KCTD16: variants seen among roughly 807,000 people sequenced by gnomAD.
KCTD16 encodes the protein potassium channel tetramerization domain containing 16, also known as BTB/POZ domain-containing protein KCTD16.
A neutral mutation model predicts 33.2 loss-of-function variants in KCTD16; 13 were observed. That is an observed-to-expected ratio of 0.39 (90% CI 0.25 to 0.62). KCTD16 has a LOEUF of 0.62. KCTD16 is among the 20% of genes least tolerant of loss of function. The probability of loss-of-function intolerance (pLI) is 0.50; values close to 1 mark genes in which losing one functional copy is unlikely to be tolerated. For missense variants in KCTD16, 441 were observed against 525.1 expected, an observed-to-expected ratio of 0.84 and a Z score of 1.57; for synonymous variants, 197 against 195.3, an observed-to-expected ratio of 1.01 and a Z score of -0.07.
intron 3 of KCTD16, among the ~76,000 whole-genome samples, chr5:144,409,530 C>A (rs1475987928): frequency 6.6e-6 from 1 of 151,898 alleles, no homozygotes; most frequent in Non-Finnish European, 1.5e-5. Flanking sequence ...GCCCTCAAGG[C>A]TCTTATATTC....
At chr5:144,396,181 A>G (rs1752563859) in intron 3 of KCTD16, among the ~76,000 whole-genome samples, 1 of 152,130 alleles carries the variant, frequency 6.6e-6, no homozygotes, top group African/African-American at 2.4e-5. Flanking sequence ...TAGGCTCTCT[A>G]GGTGTTCTCC....
rs375427614 is a variant in KCTD16 at position 144,207,003 on chromosome 5, C to T, written c.289C>T (p.Pro97Ser). Reference protein sequence around the residue: ...DYLRDRQVVLPDHFPEKGRLK... With the variant: ...DYLRDRQVVLSDHFPEKGRLK... ...TCTCAGGGACAGGCAGGTGGTCCTGCCTGATCACTTTCCAGAAAAAGGAAG... is the reference window on the plus strand; with the variant it reads ...TCTCAGGGACAGGCAGGTGGTCCTGTCTGATCACTTTCCAGAAAAAGGAAG... The change falls in exon 3 of 4, where the codon CCT becomes TCT. Residue 97 changes from proline to serine, a missense_variant. Pro to Ser is a moderately conservative substitution (Grantham distance 74). Coordinates refer to ENST00000512467, the MANE Select transcript of KCTD16 (RefSeq NM_020768.4). 1.9e-6 allele frequency: 3 copies of T among 1,614,104 alleles called. No homozygotes were observed. The highest frequency in any genetic ancestry group is 1.7e-6 in the Non-Finnish European group (2 of 1,180,012).
rs535243334 is a variant in KCTD16 at position 144,362,880 on chromosome 5, C to A, written c.833-110780C>A. ...GTAATGAGAATAATAATACACACCA[C>A]GGAGAGTTCTTGCAATGATTTAAGA... On this transcript the variant is annotated intron_variant, in intron 3 of 3. Transcript: ENST00000512467. Among the ~76,000 whole-genome samples the A allele has an allele frequency of 8.8e-4, 134 of 152,188 alleles. 1 individual carries two copies. The highest frequency in any genetic ancestry group is 3.1e-3 in the African/African-American group (127 of 41,516).
chr5:144,360,176 G>A (rs1320977849), intron 3 of KCTD16, among the ~76,000 whole-genome samples: 2 of 151,946 alleles, frequency 1.3e-5, no homozygotes, highest in Non-Finnish European at 2.9e-5. Flanking sequence ...ACGTGCCATG[G>A]TGGTTTGCTG....
chr5:144,423,885 A>G (rs1021886177), intron 3 of KCTD16, among the ~76,000 whole-genome samples: 1 of 152,102 alleles, frequency 6.6e-6, no homozygotes, highest in Non-Finnish European at 1.5e-5. Context: ...AAAAAGAAGA[A>G]TTGTCTTGGA....
intron 3 of KCTD16, among the ~76,000 whole-genome samples, chr5:144,314,807 T>C (rs562604151): frequency 1.2e-4 from 19 of 152,150 alleles, no homozygotes; most frequent in Non-Finnish European, 2.2e-4. Flanking sequence ...AACAAGACAG[T>C]ACATTTAAAC....
chr5:144,173,695 A>T (rs1244044983), intron 1 of KCTD16, among the ~76,000 whole-genome samples: 2 of 152,200 alleles, frequency 1.3e-5, no homozygotes, highest in Non-Finnish European at 2.9e-5. Flanking sequence ...TGTCTCTGAA[A>T]GCAATTAACG....
intron 3 of KCTD16, among the ~76,000 whole-genome samples, chr5:144,429,231 T>C (rs1157615650): frequency 6.6e-6 from 1 of 152,152 alleles, no homozygotes; most frequent in Admixed American, 6.6e-5. Flanking sequence ...TATTTGTCAG[T>C]ATTTTTCAGT....
chr5:144,211,261 A>G (rs1452225214), intron 3 of KCTD16, among the ~76,000 whole-genome samples: 1 of 152,176 alleles, frequency 6.6e-6, no homozygotes, highest in South Asian at 2.1e-4. Flanking sequence ...TGACTTTAAC[A>G]AGCTTCAATA....
At chr5:144,426,267 A>G (rs1753326844) in intron 3 of KCTD16, among the ~76,000 whole-genome samples, 1 of 152,124 alleles carries the variant, frequency 6.6e-6, no homozygotes, top group African/African-American at 2.4e-5. Context: ...CCAGTTTCCA[A>G]TACCTTGTTC....
chr5:144,220,313 C>T (rs1256840792), intron 3 of KCTD16, among the ~76,000 whole-genome samples: 1 of 152,162 alleles, frequency 6.6e-6, no homozygotes, highest in Non-Finnish European at 1.5e-5. Context: ...TTTCCATCCT[C>T]GTACTGTTCA....
At chr5:144,423,494 A>G (rs1753255294) in intron 3 of KCTD16, among the ~76,000 whole-genome samples, 1 of 152,108 alleles carries the variant, frequency 6.6e-6, no homozygotes. Context: ...CAGAAAATAC[A>G]TTAGACAATG....
chr5:144,211,517 A>G (rs1311801742), intron 3 of KCTD16, among the ~76,000 whole-genome samples: 1 of 152,184 alleles, frequency 6.6e-6, no homozygotes, highest in Non-Finnish European at 1.5e-5. Flanking sequence ...TATTAAAACT[A>G]TTGTATACAA....
intron 3 of KCTD16, among the ~76,000 whole-genome samples, chr5:144,287,677 C>A (rs1755782937): frequency 6.6e-6 from 1 of 152,036 alleles, no homozygotes; most frequent in Non-Finnish European, 1.5e-5. Context: ...ACTCTTTTCG[C>A]CCAGGCTGGA....
At chr5:144,444,437 G>T (rs1482179995) in intron 3 of KCTD16, among the ~76,000 whole-genome samples, 1 of 151,996 alleles carries the variant, frequency 6.6e-6, no homozygotes, top group East Asian at 1.9e-4. Context: ...AGTAAGGCTT[G>T]TTCTATTATA....
chr5:144,315,175 G>T (rs758338078), intron 3 of KCTD16, among the ~76,000 whole-genome samples: 1 of 152,180 alleles, frequency 6.6e-6, no homozygotes, highest in Non-Finnish European at 1.5e-5. Flanking sequence ...CCAGAGAACT[G>T]CCTCTTACAT....
At chr5:144,402,247 G>T (rs1449699188) in intron 3 of KCTD16, among the ~76,000 whole-genome samples, 2 of 152,084 alleles carry the variant, frequency 1.3e-5, no homozygotes, top group Non-Finnish European at 2.9e-5. Context: ...GGCTTTTCTG[G>T]GCTAATTTAT....
At chr5:144,265,483 G>A (rs572633772) in intron 3 of KCTD16, among the ~76,000 whole-genome samples, 1 of 152,298 alleles carries the variant, frequency 6.6e-6, no homozygotes, top group East Asian at 1.9e-4. Flanking sequence ...ACACACTGAA[G>A]TTAAGGAAAC....
At chr5:144,248,565 G>A (rs1475826936) in intron 3 of KCTD16, among the ~76,000 whole-genome samples, 1 of 152,206 alleles carries the variant, frequency 6.6e-6, no homozygotes, top group East Asian at 1.9e-4. Flanking sequence ...GCTCCCTCTG[G>A]CTGCTCTTTT....
Sources: allele counts gnomAD v4.1 joint callset (sites outside exome capture counted in the v4.1 genomes callset), GRCh38; gene constraint gnomAD v4.1.1; transcripts MANE v1.5; gene names NCBI Gene and HGNC (gene_info 2026-07-23, HGNC 2026-07-21).